GRB10: variants seen among roughly 807,000 people sequenced by gnomAD.
GRB10 encodes the protein growth factor receptor bound protein 10.
GRB10 carries 20 observed loss-of-function variants against 80.9 expected under a neutral mutation model. That is an observed-to-expected ratio of 0.25 (90% CI 0.17 to 0.36). GRB10 has a LOEUF of 0.36. GRB10 is among the 10% of genes least tolerant of loss of function. The pLI is 1.00. For synonymous variants in GRB10, 291 were observed against 291.5 expected, an observed-to-expected ratio of 1.00 and a Z score of 0.02; for missense variants, 548 against 747.7, an observed-to-expected ratio of 0.73 and a Z score of 3.12.
chr7:50,642,547 C>T (rs1388793330), intron 7 of GRB10, among the ~76,000 whole-genome samples: 5 of 152,054 alleles, frequency 3.3e-5, no homozygotes, highest in African/African-American at 1.2e-4. Context: ...TTTAAAAATA[C>T]AAAATCCAAA....
chr7:50,719,275 G>A (rs1310370218), intron 4 of GRB10, among the ~76,000 whole-genome samples: 1 of 152,178 alleles, frequency 6.6e-6, no homozygotes, highest in Non-Finnish European at 1.5e-5. Flanking sequence ...CAGGCCCACA[G>A]GTGTCCTGTG....
chr7:50,773,419 G>A (rs1165227387), intron 2 of GRB10, among the ~76,000 whole-genome samples: 3 of 70,006 alleles, frequency 4.3e-5, no homozygotes, highest in Non-Finnish European at 8.3e-5. Context: ...GGAAGGGGAC[G>A]GGGAAGGGAA....
intron 4 of GRB10, chr7:50,705,168 A>G (rs756378061): frequency 1.0e-6 from 1 of 985,576 alleles, no homozygotes; most frequent in Non-Finnish European, 1.2e-6. Flanking sequence ...AGGTCTGGTC[A>G]ACGCTGTGCT....
intron 18 of GRB10, 121 bp downstream of exon 18, chr7:50,595,316 A>G: frequency 1.4e-6 from 1 of 715,168 alleles, no homozygotes; most frequent in East Asian, 2.5e-5. Context: ...AAAGTTTCTT[A>G]ACTGCAGCCT....
rs546613941 is a variant in GRB10, at chr7:50,591,194, A to C, written c.*1758T>G. ...TGCAATTGAGCACTGATGGTTAAAA[A>C]CATGTTTTGCTAGAAAATTCTTCAT... On this transcript the variant is annotated 3_prime_UTR_variant, in exon 19 of 19. Coordinates refer to ENST00000401949, the MANE Select transcript of GRB10 (RefSeq NM_001350814.2). 3.3e-5 allele frequency: 5 copies of C among 152,380 alleles called. No homozygotes were observed. Among genetic ancestry groups the C allele is most frequent in the Admixed American group, 3.3e-4 (5 of 15,306 alleles). 9.4% of individuals were successfully genotyped at this position (152,380 alleles called of 1,614,324 possible).
At chr7:50,692,783 A>G (rs543264397) in intron 5 of GRB10, among the ~76,000 whole-genome samples, 2 of 152,332 alleles carry the variant, frequency 1.3e-5, no homozygotes, top group South Asian at 4.1e-4. Flanking sequence ...AGGGAAAAAT[A>G]CAATATATAA....
intron 7 of GRB10, among the ~76,000 whole-genome samples, chr7:50,669,393 C>T (rs2060132094): frequency 6.6e-6 from 1 of 152,120 alleles, no homozygotes; most frequent in South Asian, 2.1e-4. Flanking sequence ...AGATGACACG[C>T]ACTTTTAAAC....
chr7:50,653,281 G>C (rs1369793046), intron 7 of GRB10, among the ~76,000 whole-genome samples: 1 of 152,188 alleles, frequency 6.6e-6, no homozygotes, highest in South Asian at 2.1e-4. Flanking sequence ...GCCACAGCAG[G>C]AAGAGTCTGT....
chr7:50,665,654 G>T (rs1242635940), intron 7 of GRB10, among the ~76,000 whole-genome samples: 1 of 152,214 alleles, frequency 6.6e-6, no homozygotes, highest in African/African-American at 2.4e-5. Flanking sequence ...AGCCTGGGTG[G>T]GACCAGGGAG....
intron 4 of GRB10, among the ~76,000 whole-genome samples, chr7:50,708,673 GTTTTT>G (rs150250702): frequency 4.8e-5 from 4 of 83,258 alleles, no homozygotes; most frequent in Non-Finnish European, 4.9e-5. Context: ...CTGTGAGTCT[GTTTTT>G]TTTTTTTTTT....
intron 4 of GRB10, among the ~76,000 whole-genome samples, chr7:50,710,557 T>TAAG (rs2065734467): frequency 6.6e-6 from 1 of 152,108 alleles, no homozygotes; most frequent in East Asian, 1.9e-4. Flanking sequence ...TTTTCTTATC[T>TAAG]AAAACTGCAA....
intron 8 of GRB10, among the ~76,000 whole-genome samples, chr7:50,621,398 G>A (rs777031270): frequency 4.6e-5 from 7 of 152,194 alleles, no homozygotes; most frequent in Admixed American, 1.3e-4. Flanking sequence ...ACTCCAGAGG[G>A]CGCCTACCAT....
rs192185390 is a variant in GRB10, at chr7:50,609,921, T to G, written c.1194+2820A>C. On this transcript the variant is annotated intron_variant, in intron 13 of 18. Coordinates refer to ENST00000401949, the MANE Select transcript of GRB10 (RefSeq NM_001350814.2). ...CTTTCTCCTATGTAGACCCAAGTTA[T>G]AAGATTTATTCATTTTTTTCAAGAA... 8.7e-4 allele frequency among the ~76,000 whole-genome samples: 132 copies of G among 152,338 alleles called. 1 individual carries two copies. Among genetic ancestry groups the G allele is most frequent in the African/African-American group, 3.1e-3 (127 of 41,580 alleles).
intron 7 of GRB10, among the ~76,000 whole-genome samples, chr7:50,655,677 C>G (rs956738071): frequency 2.6e-5 from 4 of 152,236 alleles, no homozygotes; most frequent in Admixed American, 1.3e-4. Flanking sequence ...GCAGGCAAAG[C>G]AAAGTACAAA....
intron 7 of GRB10, among the ~76,000 whole-genome samples, chr7:50,666,304 C>T (rs971433606): frequency 3.9e-5 from 6 of 152,184 alleles, no homozygotes; most frequent in African/African-American, 1.2e-4. Flanking sequence ...ACACCCGGCC[C>T]GTTGTAGGGG....
intron 5 of GRB10, among the ~76,000 whole-genome samples, chr7:50,684,538 G>T (rs561811169): frequency 6.6e-6 from 1 of 152,192 alleles, no homozygotes; most frequent in East Asian, 1.9e-4. Flanking sequence ...CTAAGATCCC[G>T]TCAGGCCCTT....
At chr7:50,610,319 G>A (rs141819526) in intron 13 of GRB10, among the ~76,000 whole-genome samples, 69 of 152,350 alleles carry the variant, frequency 4.5e-4, no homozygotes, top group Admixed American at 1.8e-3. Context: ...ACAATCCTAT[G>A]GCTATTTGGG....
At chr7:50,605,263 C>T (rs2048332063) in intron 15 of GRB10, 27 bp downstream of exon 15, 5 of 1,568,432 alleles carry the variant, frequency 3.2e-6, no homozygotes, top group African/African-American at 2.7e-5. Flanking sequence ...GGGTGCCCCT[C>T]CAGGCTGGCC....
chr7:50,622,329 G>T lies in GRB10; in HGVS notation c.662-3044C>A, dbSNP rs139425194. Among the ~76,000 whole-genome samples, 6 of 152,260 alleles carry T rather than the reference G, an allele frequency of 3.9e-5. No individual in the cohort carries two copies. In the South Asian group the frequency reaches 1.2e-3, roughly 32 times the overall value. ...TAATCAGCAAGAGTCAACAGGCGCC[G>T]GCTGTTTCTCCCTCCACACCTTTCT... is the stretch of plus-strand genomic sequence containing the variant. On this transcript the variant is annotated intron_variant, in intron 8 of 18. Transcript: ENST00000401949.
Sources: gnomAD v4.1 joint callset for allele counts (sites outside exome capture counted in the v4.1 genomes callset) on GRCh38, gnomAD v4.1.1 for gene constraint, MANE v1.5 for transcripts, NCBI Gene and HGNC (gene_info 2026-07-23, HGNC 2026-07-21) for gene names.